The following NLRC5 variants were observed in gnomAD, a reference collection of about 807,000 sequenced individuals.
NLRC5 encodes protein NLRC5.
A neutral mutation model predicts 206.9 loss-of-function variants in NLRC5; 114 were observed. The observed-to-expected ratio is 0.55, with a 90% confidence interval of 0.47 to 0.64. The LOEUF (loss-of-function observed/expected upper bound fraction) is 0.64, where lower values mean the gene tolerates loss of function less well. Ranked by LOEUF, NLRC5 falls within the 30% of genes least tolerant of loss-of-function variation. NLRC5 has a pLI of 0.00. For missense variants in NLRC5, 2,008 were observed against 2,305.5 expected (o/e 0.87, Z 2.64); for synonymous variants, 952 against 962.8 (o/e 0.99, Z 0.21).
chr16:57,020,982 G>T lies in NLRC5; in HGVS notation c.270G>T (p.Leu90=), dbSNP rs771869422. 8 of 1,613,880 alleles carry T rather than the reference G, an allele frequency of 5.0e-6. No individual in the cohort carries two copies. The highest frequency in any genetic ancestry group is 6.8e-6 in the Non-Finnish European group (8 of 1,179,868). Reference sequence around the variant, plus strand: ...TGCCTCTGGACCTGGAGGTGCTGCTGCTGAGTACTTTTGGCTATGATGATG... The same window carrying T: ...TGCCTCTGGACCTGGAGGTGCTGCTTCTGAGTACTTTTGGCTATGATGATG... ...LEVPLDLEVL[L]LSTFGYDDGF... is the part of the protein sequence containing the mutation. Residue 90 remains leucine (L), a synonymous_variant, in exon 3 of 49, where the codon CTG becomes CTT. Transcript: ENST00000688547.
chr16:57,043,074 T>C (rs562533591), intron 19 of NLRC5, among the ~76,000 whole-genome samples: 1 of 152,210 alleles, frequency 6.6e-6, no homozygotes, highest in East Asian at 1.9e-4. Context: ...TAGCATTAAA[T>C]AGTAAATAGA....
intron 11 of NLRC5, 26 bp downstream of exon 11, chr16:57,031,489 T>A: frequency 6.2e-7 from 1 of 1,612,380 alleles, no homozygotes; most frequent in Non-Finnish European, 8.5e-7. Context: ...GCGGTGGGCC[T>A]GGGGCCATCC....
At chr16:57,029,901 A>G (rs2061615430) in intron 9 of NLRC5, 45 bp downstream of exon 9, 1 of 1,606,052 alleles carries the variant, frequency 6.2e-7, no homozygotes, top group African/African-American at 1.3e-5. Flanking sequence ...CCCTCTCTAT[A>G]CCTGATTCAC....
At position 57,046,571 on chromosome 16, in the gene NLRC5, T is replaced by C. The variant is rs759063252; in HGVS notation, c.3268T>C (p.Ser1090Pro). Residue 1090 changes from serine (S) to proline (P), a missense_variant, in exon 22 of 49, where the codon TCT becomes CCT. By Grantham distance (74) the Ser-to-Pro change is moderately conservative. Transcript: ENST00000688547. Reference sequence around the variant, plus strand: ...TCCTAGGGATATGTGGGCCACTGGATCTTTGCCAGACTTCCCAGCTGCAGC... The same window carrying C: ...TCCTAGGGATATGTGGGCCACTGGACCTTTGCCAGACTTCCCAGCTGCAGC... ...KTSRDMWATGSLPDFPAAAKF... is the reference protein window; with the variant it reads ...KTSRDMWATGPLPDFPAAAKF... The C allele has an allele frequency of 6.2e-7, 1 of 1,613,894 alleles. No homozygotes were observed. The highest frequency in any genetic ancestry group is 8.5e-7 in the Non-Finnish European group (1 of 1,179,880).
At chr16:57,043,672 G>A (rs908618735) in intron 20 of NLRC5, 68 bp downstream of exon 20, 6 of 1,279,964 alleles carry the variant, frequency 4.7e-6, no homozygotes, top group Non-Finnish European at 6.9e-6. Flanking sequence ...GCTCCCACGT[G>A]GGCCCCTTGT....
At chr16:57,030,815 TA>T (rs1220066905) in intron 10 of NLRC5, among the ~76,000 whole-genome samples, 4 of 152,132 alleles carry the variant, frequency 2.6e-5, no homozygotes, top group Non-Finnish European at 5.9e-5. Flanking sequence ...AAATTTCTAT[TA>T]AAAAAAATTC....
At chr16:57,069,620 C>A (rs113126635) in intron 36 of NLRC5, among the ~76,000 whole-genome samples, 1,755 of 152,288 alleles carry the variant, frequency 0.012, 16 homozygotes, top group Non-Finnish European at 0.015. Flanking sequence ...TGAATGACTG[C>A]GGTTTAGGAA....
At position 57,046,474 on chromosome 16, in the gene NLRC5, C is replaced by T. The variant is rs1597341930; in HGVS notation, c.3249-78C>T. ...GAACTTTCCTTTCTAAACGATCCCCCTCCTAGGGGTATATGGGCTGGGCTG... is the reference window on the plus strand; with the variant it reads ...GAACTTTCCTTTCTAAACGATCCCCTTCCTAGGGGTATATGGGCTGGGCTG... On this transcript the variant is annotated intron_variant, in intron 21 of 48. Coordinates refer to ENST00000688547, the MANE Select transcript of NLRC5 (RefSeq NM_001384950.1). 6.6e-6 allele frequency: 8 copies of T among 1,211,176 alleles called. No homozygotes were observed. In the East Asian group the frequency reaches 1.2e-4, roughly 18 times the overall value. The allele number at this position is 1,211,176 out of a possible 1,614,324, so 75.0% of individuals were successfully genotyped here.
chr16:57,030,656 ATGGATGG>A (rs2061773992), intron 10 of NLRC5, among the ~76,000 whole-genome samples: 1 of 151,944 alleles, frequency 6.6e-6, no homozygotes, highest in Admixed American at 6.6e-5. Flanking sequence ...GGATGGATGG[ATGGATGG>A]ATGAAGGAAT....
intron 11 of NLRC5, among the ~76,000 whole-genome samples, chr16:57,032,717 C>A (rs746560915): frequency 2.0e-5 from 3 of 151,404 alleles, no homozygotes; most frequent in Non-Finnish European, 2.9e-5. Context: ...ATTAAACAGG[C>A]TGGCATGGTG....
At chr16:57,016,018 C>G (rs549335047) in intron 1 of NLRC5, among the ~76,000 whole-genome samples, 1 of 151,484 alleles carries the variant, frequency 6.6e-6, no homozygotes, top group South Asian at 2.1e-4. Context: ...AGTTCAAGAC[C>G]AGCCTGGCCA....
At chr16:57,024,797 C>A (rs1414535596) in intron 5 of NLRC5, among the ~76,000 whole-genome samples, 1 of 152,118 alleles carries the variant, frequency 6.6e-6, no homozygotes, top group Non-Finnish European at 1.5e-5. Context: ...ATCAGTTGAG[C>A]CCAGGAATTC....
intron 23 of NLRC5, chr16:57,048,448 T>C (rs1252051014): frequency 2.6e-5 from 4 of 152,238 alleles, no homozygotes; most frequent in Non-Finnish European, 4.4e-5. Context: ...TCCAACCAGA[T>C]AATCCGGTTT....
intron 2 of NLRC5, 103 bp downstream of exon 2, chr16:57,017,291 C>T (rs1192110398): frequency 6.5e-6 from 1 of 152,706 alleles, no homozygotes; most frequent in Non-Finnish European, 1.5e-5. Context: ...ATCTGCCTTA[C>T]TGGGCTGCCC....
chr16:57,022,155 T>G, intron 3 of NLRC5, 101 bp from the exon 4 acceptor site: 1 of 874,136 alleles, frequency 1.1e-6, no homozygotes, highest in South Asian at 1.8e-5. Context: ...TTGCTGGGTA[T>G]CTCCCTGTGA....
At chr16:57,077,625 G>A in intron 41 of NLRC5, 94 bp from the exon 42 acceptor site, 1 of 1,258,526 alleles carries the variant, frequency 7.9e-7, no homozygotes, top group South Asian at 1.4e-5. Context: ...TGTCTCTTAG[G>A]CCCCCTGAAG....
In NLRC5 at chr16:57,039,812, G is replaced by A. The variant is rs1277161677; in HGVS notation, c.2833G>A (p.Ala945Thr). The A allele has an allele frequency of 6.2e-7, 1 of 1,614,044 alleles. No homozygotes were observed. Among genetic ancestry groups the A allele is most frequent in the African/African-American group, 1.3e-5 (1 of 74,922 alleles). The part of the protein sequence containing the change: ...LQHKTVIFMF[A>T]QEPEEQKGPQ... Reference sequence around the variant, plus strand: ...GCACAAAACTGTGATCTTCATGTTTGCCCAGGAGCCAGAGGAGCAGAAGGG... The same window carrying A: ...GCACAAAACTGTGATCTTCATGTTTACCCAGGAGCCAGAGGAGCAGAAGGG... The change falls in exon 16 of 49, where the codon GCC (alanine) becomes ACC (threonine). Residue 945 changes from alanine to threonine, a missense_variant. Transcript: ENST00000688547.
chr16:57,026,086 C>G lies in NLRC5; in HGVS notation c.1143C>G (p.Ser381Arg). 2 of 1,614,108 alleles carry G rather than the reference C, an allele frequency of 1.2e-6. No homozygotes were observed. The highest frequency in any genetic ancestry group is 1.7e-6 in the Non-Finnish European group (2 of 1,180,038). ...AAGAATATGTGAATCACTTCTTCAG[C>G]GCCCAGCCATCGCGGGAGGGGGCCC... is the stretch of plus-strand genomic sequence containing the variant. Reference protein sequence around the residue: ...RVEEYVNHFFSAQPSREGALV... With the variant: ...RVEEYVNHFFRAQPSREGALV... Residue 381 changes from serine (S) to arginine (R), a missense_variant, in exon 6 of 49, where the codon AGC (serine) becomes AGG (arginine). Ser to Arg is a moderately radical substitution (Grantham distance 110). Transcript: ENST00000688547.
At chr16:57,029,667 T>C in intron 8 of NLRC5, 106 bp from the exon 9 acceptor site, 1 of 879,916 alleles carries the variant, frequency 1.1e-6, no homozygotes, top group Non-Finnish European at 1.8e-6. Flanking sequence ...TCTGGGCCCC[T>C]GTCTTATGTC....
Sources: allele counts gnomAD v4.1 joint callset (sites outside exome capture counted in the v4.1 genomes callset), GRCh38; gene constraint gnomAD v4.1.1; transcripts MANE v1.5; gene names NCBI Gene and HGNC (gene_info 2026-07-23, HGNC 2026-07-21).